The following GSDME variants were observed in gnomAD, a reference collection of about 807,000 sequenced individuals.
GSDME encodes the protein gasdermin E.
GSDME carries 44 observed loss-of-function variants against 47.5 expected under a neutral mutation model. The ratio of observed to expected loss-of-function variants is 0.93; its 90% confidence interval spans 0.73 to 1.19. The LOEUF is 1.19. Ranked by LOEUF, GSDME falls within the 50% of genes most tolerant of loss-of-function variation. GSDME has a pLI of 0.00. For missense variants in GSDME, 663 were observed against 604.2 expected (o/e 1.10, Z -1.02); for synonymous variants, 258 against 252.8 (o/e 1.02, Z -0.20).
At chr7:24,752,332 A>G (rs910817048) in intron 1 of GSDME, among the ~76,000 whole-genome samples, 2 of 152,186 alleles carry the variant, frequency 1.3e-5, no homozygotes, top group African/African-American at 4.8e-5. Flanking sequence ...GAGGCCCCCA[A>G]TCCATGTCCT....
chr7:24,764,379 T>C, the GSDME span, among the ~76,000 whole-genome samples: 1 of 152,198 alleles, frequency 6.6e-6, no homozygotes, highest in Non-Finnish European at 1.5e-5. The surrounding 1 kb of genome is among the most constrained non-coding windows in gnomAD (Gnocchi z 4.4). Context: ...TGGAATTTTT[T>C]TCTAATACTA....
At chr7:24,749,497 CA>C (rs66692319) in intron 2 of GSDME, 66 bp downstream of exon 2, 193,384 of 1,049,904 alleles carry the variant, frequency 0.18, 2 homozygotes, top group Non-Finnish European at 0.2. Context: ...GACTCTGTGT[CA>C]AAAAAAAAAA....
Position 24,708,123 on chromosome 7 carries a change from T to G in GSDME, c.990+4A>C. On this transcript the variant is annotated splice_donor_region_variant and intron_variant, in intron 7 of 9. Coordinates refer to ENST00000645220, the MANE Select transcript of GSDME (RefSeq NM_001127453.2). ...ACACTGCCTTGAGATGTCTCAGGGC[T>G]CACCACTGGTTCCAGGACCATGAGT... 1.2e-6 allele frequency: 2 copies of G among 1,614,148 alleles called. No homozygotes were observed. The highest frequency in any genetic ancestry group is 2.2e-5 in the South Asian group (2 of 91,072).
At chr7:24,762,262 A>AG (rs1791178377), upstream of GSDME, among the ~76,000 whole-genome samples, 1 of 151,474 alleles carries the variant, frequency 6.6e-6, no homozygotes, top group Non-Finnish European at 1.5e-5. Flanking sequence ...AAAAAAAAAA[A>AG]AAGCCATAAA....
rs2521770 is a variant in GSDME, at chr7:24,749,463, C to T, written c.211+101G>A. ...GTTGCAATGGGCCAAGATCACGCCA[C>T]TGCACTCCAGCATGGGCGACAGAGA... On this transcript the variant is annotated intron_variant, in intron 2 of 9. Coordinates refer to ENST00000645220, the MANE Select transcript of GSDME (RefSeq NM_001127453.2). 604,837 of 1,025,168 alleles carry T rather than the reference C, an allele frequency of 0.59. 191,576 individuals are homozygous for T. The highest frequency in any genetic ancestry group is 1 in the East Asian group (42,005 of 42,052). The allele number at this position is 1,025,168 out of a possible 1,614,324, so 63.5% of individuals were successfully genotyped here.
rs540416650 is a variant in GSDME, at chr7:24,702,067, C to G, written c.1257+693G>C. Among the ~76,000 whole-genome samples, 6 of 152,290 alleles carry G rather than the reference C, an allele frequency of 3.9e-5. No homozygotes were observed. In the East Asian group the frequency reaches 1.2e-3, roughly 29 times the overall value. On this transcript the variant is annotated intron_variant, in intron 9 of 9. Coordinates refer to ENST00000645220, the MANE Select transcript of GSDME (RefSeq NM_001127453.2). ...TAATTAGGCCTTAAAATAATCAGAC[C>G]GTGTGTGCTCAGCTCCTCTGCCCCA...
the GSDME span, among the ~76,000 whole-genome samples, chr7:24,787,958 G>T: frequency 6.6e-6 from 1 of 152,154 alleles, no homozygotes; most frequent in Non-Finnish European, 1.5e-5. This position sits in a 1 kb window ranked among gnomAD's most constrained non-coding sequence, Gnocchi z 5.0. Flanking sequence ...GCCCACCTCG[G>T]CCTCCCAAAG....
chr7:24,750,787 TA>T (rs987580161), intron 1 of GSDME, among the ~76,000 whole-genome samples: 1 of 151,992 alleles, frequency 6.6e-6, no homozygotes, highest in African/African-American at 2.4e-5. Context: ...ACCCAGAAAA[TA>T]AAGGCACAGT....
At chr7:24,750,578 A>G (rs1790824893) in intron 1 of GSDME, among the ~76,000 whole-genome samples, 1 of 152,064 alleles carries the variant, frequency 6.6e-6, no homozygotes, top group Non-Finnish European at 1.5e-5. Context: ...ACGTCACCAT[A>G]CTCCAGTCTG....
intron 3 of GSDME, among the ~76,000 whole-genome samples, chr7:24,735,000 A>T (rs921419123): frequency 6.6e-6 from 1 of 152,192 alleles, no homozygotes; most frequent in African/African-American, 2.4e-5. Flanking sequence ...CAAGGCATTT[A>T]ATAAGCAAAT....
intron 9 of GSDME, among the ~76,000 whole-genome samples, chr7:24,700,445 TTTAAA>T (rs1432970395): frequency 1.3e-5 from 2 of 152,156 alleles, no homozygotes; most frequent in Non-Finnish European, 2.9e-5. Context: ...GTAGTAAAAT[TTTAAA>T]TTAAATTAAA....
At chr7:24,755,408 A>G (rs1196141614) in intron 1 of GSDME, among the ~76,000 whole-genome samples, 1 of 152,166 alleles carries the variant, frequency 6.6e-6, no homozygotes, top group Non-Finnish European at 1.5e-5. Context: ...GAGATTTACG[A>G]GGATACTCAA....
chr7:24,753,605 T>C (rs1037132309), intron 1 of GSDME, among the ~76,000 whole-genome samples: 1 of 152,244 alleles, frequency 6.6e-6, no homozygotes, highest in Non-Finnish European at 1.5e-5. Flanking sequence ...GTCTGACCAA[T>C]AATGTACAAA....
At chr7:24,710,127 A>C (rs891268120) in intron 6 of GSDME, 97 bp downstream of exon 6, 2 of 1,314,822 alleles carry the variant, frequency 1.5e-6, no homozygotes, top group African/African-American at 2.9e-5. Flanking sequence ...TCTGTGAGTC[A>C]CTGAGGGGTC....
upstream of GSDME, among the ~76,000 whole-genome samples, chr7:24,758,640 C>T (rs1289492880): frequency 6.6e-6 from 1 of 152,206 alleles, no homozygotes. The surrounding 1 kb of genome is among the most constrained non-coding windows in gnomAD (Gnocchi z 4.6). Flanking sequence ...AGCGCTTTCC[C>T]TTGGGCCCCG....
Position 24,724,480 on chromosome 7 carries a change from G to A in GSDME, c.405-5262C>T, listed in dbSNP as rs778361193. Among the ~76,000 whole-genome samples the A allele has an allele frequency of 2.6e-5, 4 of 152,276 alleles. No individual in the cohort carries two copies. Among genetic ancestry groups the A allele is most frequent in the Non-Finnish European group, 5.9e-5 (4 of 68,010 alleles). The stretch of plus-strand genomic sequence containing the variant: ...GGGCAGGCTCCTTGTTCTTCCTGGC[G>A]GGGGCGGCAACGTGAAAGCAAGAAC... On this transcript the variant is annotated intron_variant, in intron 3 of 9. Transcript: ENST00000645220. This position sits in a 1 kb window ranked among gnomAD's most constrained non-coding sequence, Gnocchi z 4.8.
At chr7:24,776,180 CAAAAAAAAAAA>C in the GSDME span, among the ~76,000 whole-genome samples, 2 of 70,710 alleles carry the variant, frequency 2.8e-5, no homozygotes, top group Non-Finnish European at 5.4e-5. Context: ...AACTCCATCT[CAAAAAAAAAAA>C]AAAAAAAAAA....
Position 24,719,026 on chromosome 7 carries a change from GGGCA to G in GSDME, c.576+17_576+20del. Reference sequence around the variant, plus strand: ...CCAGGACTGCTCAGCCATGAACGCAGGGCAGCCCGACTGCACGCACCTGCACCGT... The same window carrying G: ...CCAGGACTGCTCAGCCATGAACGCAGGCCCGACTGCACGCACCTGCACCGT... On this transcript the variant is annotated intron_variant, in intron 4 of 9. Coordinates refer to ENST00000645220, the MANE Select transcript of GSDME (RefSeq NM_001127453.2). 1 of 1,610,862 alleles carries G rather than the reference GGGCA, an allele frequency of 6.2e-7. No individual in the cohort carries two copies. Among genetic ancestry groups the G allele is most frequent in the South Asian group, 1.1e-5 (1 of 90,972 alleles).
At chr7:24,779,646 C>T in the GSDME span, among the ~76,000 whole-genome samples, 5 of 152,280 alleles carry the variant, frequency 3.3e-5, no homozygotes, top group Non-Finnish European at 5.9e-5. This position sits in a 1 kb window ranked among gnomAD's most constrained non-coding sequence, Gnocchi z 6.0. Flanking sequence ...CGTATCAAGA[C>T]GTGCAGAGGA....
Sources: gnomAD v4.1 joint callset for allele counts (sites outside exome capture counted in the v4.1 genomes callset) on GRCh38, gnomAD v4.1.1 for gene constraint, Gnocchi (gnomAD v3.1) non-coding constraint, MANE v1.5 for transcripts, NCBI Gene and HGNC (gene_info 2026-07-23, HGNC 2026-07-21) for gene names.